MTUS2: variants seen among roughly 807,000 people sequenced by gnomAD.
The protein encoded by MTUS2 is microtubule associated scaffold protein 2, also known as microtubule-associated tumor suppressor candidate 2.
In MTUS2, 40 loss-of-function variants were observed where a neutral mutation model predicts 114.1. That is an observed-to-expected ratio of 0.35 (90% CI 0.27 to 0.46). MTUS2 has a LOEUF of 0.46. MTUS2 is among the 20% of genes least tolerant of loss of function. MTUS2 has a pLI of 1.00. For missense variants in MTUS2, 1,679 were observed against 1,705.4 expected (o/e 0.98, Z 0.27); for synonymous variants, 688 against 672.0 (o/e 1.02, Z -0.37).
At chr13:29,193,339 A>C (rs1212786107) in intron 5 of MTUS2, among the ~76,000 whole-genome samples, 1 of 152,104 alleles carries the variant, frequency 6.6e-6, no homozygotes, top group Non-Finnish European at 1.5e-5. Context: ...CATTTCAATG[A>C]GTCTTAAGAG....
chr13:29,144,988 C>A (rs1892372717), intron 5 of MTUS2, among the ~76,000 whole-genome samples: 1 of 152,152 alleles, frequency 6.6e-6, no homozygotes, highest in Non-Finnish European at 1.5e-5. Flanking sequence ...ACATGTTATT[C>A]ATCCATTTCT....
At chr13:29,359,761 T>C (rs568450296) in intron 8 of MTUS2, among the ~76,000 whole-genome samples, 1 of 152,312 alleles carries the variant, frequency 6.6e-6, no homozygotes, top group South Asian at 2.1e-4. Context: ...AGGAACATTT[T>C]TGAAGGTGGG....
At chr13:29,225,681 T>C (rs189701661) in intron 5 of MTUS2, among the ~76,000 whole-genome samples, 24 of 152,374 alleles carry the variant, frequency 1.6e-4, no homozygotes, top group Non-Finnish European at 2.8e-4. Flanking sequence ...AAAATGTTTT[T>C]ACCAGTTTAG....
chr13:29,276,922 G>A (rs138623165), intron 5 of MTUS2, among the ~76,000 whole-genome samples: 1,564 of 151,400 alleles, frequency 0.01, 12 homozygotes, highest in African/African-American at 0.017. Flanking sequence ...ATAAATAAAT[G>A]AATAAATAAA....
chr13:29,215,373 A>G (rs970409852), intron 5 of MTUS2, among the ~76,000 whole-genome samples: 5 of 151,396 alleles, frequency 3.3e-5, no homozygotes, highest in South Asian at 2.1e-4. Flanking sequence ...TCAATTCATC[A>G]TATTCATTCT....
intron 2 of MTUS2, among the ~76,000 whole-genome samples, chr13:28,945,939 G>C (rs953299934): frequency 3.3e-5 from 5 of 152,136 alleles, no homozygotes; most frequent in African/African-American, 1.2e-4. Flanking sequence ...TTTTGAAAAT[G>C]TATGTAGTGG....
intron 2 of MTUS2, among the ~76,000 whole-genome samples, chr13:28,908,120 T>C (rs1011649594): frequency 1.3e-5 from 2 of 151,652 alleles, no homozygotes; most frequent in African/African-American, 4.9e-5. Flanking sequence ...AAATTTGGGA[T>C]ATTTTCAGCA....
intron 5 of MTUS2, among the ~76,000 whole-genome samples, chr13:29,171,150 GTGTGTGTGTA>G (rs916610682): frequency 4.0e-5 from 6 of 151,774 alleles, no homozygotes; most frequent in Non-Finnish European, 7.4e-5. Context: ...GAGTGTGTGT[GTGTGTGTGTA>G]TGTGTGTGTG....
At chr13:29,369,626 A>T (rs1466381400) in intron 8 of MTUS2, among the ~76,000 whole-genome samples, 3 of 152,248 alleles carry the variant, frequency 2.0e-5, no homozygotes, top group Admixed American at 2.0e-4. Context: ...GCAATTATAT[A>T]TGGCACAAAC....
chr13:28,842,860 C>G (rs1432856810), intron 2 of MTUS2, among the ~76,000 whole-genome samples: 9 of 152,096 alleles, frequency 5.9e-5, no homozygotes, highest in Admixed American at 5.2e-4. Context: ...AGTGGGTGCT[C>G]CTAGTTCAGT....
intron 2 of MTUS2, among the ~76,000 whole-genome samples, chr13:28,844,187 G>C (rs140420529): frequency 6.6e-6 from 1 of 152,250 alleles, no homozygotes; most frequent in Non-Finnish European, 1.5e-5. Context: ...TGATTTCCTG[G>C]GGCAGAAGCT....
chr13:29,300,762 G>A (rs966727187), intron 6 of MTUS2, among the ~76,000 whole-genome samples: 2 of 152,186 alleles, frequency 1.3e-5, no homozygotes, highest in Admixed American at 6.5e-5. Flanking sequence ...GCAAGAATAA[G>A]AAGGAAATGA....
intron 5 of MTUS2, among the ~76,000 whole-genome samples, chr13:29,161,428 ATATAT>A (rs1247538039): frequency 6.6e-6 from 1 of 150,516 alleles, no homozygotes; most frequent in African/African-American, 2.4e-5. Context: ...ATTATATAAC[ATATAT>A]TATTATAATA....
At chr13:29,239,517 A>G (rs1388132522) in intron 5 of MTUS2, 2 of 152,182 alleles carry the variant, frequency 1.3e-5, no homozygotes, top group African/African-American at 2.4e-5. Flanking sequence ...ATTTGCTTCA[A>G]TTAAATTCAG....
At chr13:28,868,186 A>G (rs561053645) in intron 2 of MTUS2, among the ~76,000 whole-genome samples, 12 of 152,340 alleles carry the variant, frequency 7.9e-5, no homozygotes, top group Non-Finnish European at 1.3e-4. Flanking sequence ...TGTGCATTTT[A>G]TCCTATTCAG....
chr13:28,928,960 A>G (rs1396685671), intron 2 of MTUS2, among the ~76,000 whole-genome samples: 1 of 152,230 alleles, frequency 6.6e-6, no homozygotes, highest in Non-Finnish European at 1.5e-5. Flanking sequence ...ACATACATAT[A>G]TACACACAAT....
chr13:29,108,736 AG>A (rs2138854704), intron 5 of MTUS2, among the ~76,000 whole-genome samples: 1 of 152,278 alleles, frequency 6.6e-6, no homozygotes, highest in African/African-American at 2.4e-5. Context: ...AGGCACAGGA[AG>A]GGGGAAGTAT....
chr13:28,854,445 A>G (rs1422917791), intron 2 of MTUS2, among the ~76,000 whole-genome samples: 1 of 152,200 alleles, frequency 6.6e-6, no homozygotes. Flanking sequence ...CAGAAGATTT[A>G]TAAGGGTTGT....
intron 7 of MTUS2, among the ~76,000 whole-genome samples, chr13:29,339,348 T>C (rs1901260106): frequency 6.6e-6 from 1 of 152,150 alleles, no homozygotes; most frequent in Non-Finnish European, 1.5e-5. Context: ...CCATGTCTCC[T>C]GATGGGCTTG....
Sources: gnomAD v4.1 joint callset for allele counts (sites outside exome capture counted in the v4.1 genomes callset) on GRCh38, gnomAD v4.1.1 for gene constraint, MANE v1.5 for transcripts, NCBI Gene and HGNC (gene_info 2026-07-23, HGNC 2026-07-21) for gene names.